The following GRID2 variants were observed in gnomAD, a reference collection of about 807,000 sequenced individuals.
GRID2 encodes glutamate receptor ionotropic, delta-2.
GRID2 carries 33 observed loss-of-function variants against 114.8 expected under a neutral mutation model. The observed-to-expected ratio is 0.29, with a 90% CI of 0.22 to 0.38. The LOEUF is 0.38. Ranked by LOEUF, GRID2 falls within the 10% of genes least tolerant of loss-of-function variation. GRID2 has a pLI of 1.00. For missense variants in GRID2, 1,184 were observed against 1,257.7 expected, an observed-to-expected ratio of 0.94 and a Z score of 0.89; for synonymous variants, 505 against 449.9, an observed-to-expected ratio of 1.12 and a Z score of -1.55.
intron 1 of GRID2, among the ~76,000 whole-genome samples, chr4:92,396,605 T>C (rs1730503131): frequency 6.6e-6 from 1 of 152,024 alleles, no homozygotes; most frequent in Non-Finnish European, 1.5e-5. Flanking sequence ...GAGATGAGGC[T>C]AGTGCATAAA....
chr4:92,350,570 TTTTA>T (rs1467651945), intron 1 of GRID2, among the ~76,000 whole-genome samples: 6 of 151,834 alleles, frequency 4.0e-5, no homozygotes, highest in African/African-American at 7.2e-5. Context: ...ATCTGTTACT[TTTTA>T]TTTGTTTGTT....
At chr4:92,972,626 G>C (rs967163193) in intron 2 of GRID2, among the ~76,000 whole-genome samples, 1 of 151,020 alleles carries the variant, frequency 6.6e-6, no homozygotes, top group Non-Finnish European at 1.5e-5. Flanking sequence ...TTAATTTTAA[G>C]TTCAGGGGTG....
intron 12 of GRID2, among the ~76,000 whole-genome samples, chr4:93,514,964 G>A (rs973817348): frequency 1.3e-5 from 2 of 152,096 alleles, no homozygotes; most frequent in African/African-American, 4.8e-5. Context: ...AGAAAGCATT[G>A]CATTACCACT....
intron 8 of GRID2, among the ~76,000 whole-genome samples, chr4:93,312,624 C>G (rs1756138426): frequency 6.6e-6 from 1 of 152,264 alleles, no homozygotes; most frequent in Admixed American, 6.5e-5. Context: ...ATTTCAAAAC[C>G]TGCTTCCATT....
chr4:93,033,548 A>G (rs903240433), intron 2 of GRID2, among the ~76,000 whole-genome samples: 2 of 152,114 alleles, frequency 1.3e-5, no homozygotes, highest in African/African-American at 4.8e-5. Flanking sequence ...GATTGCTCTC[A>G]TGACTGATCT....
At chr4:93,647,794 G>T (rs1722242922) in intron 14 of GRID2, among the ~76,000 whole-genome samples, 1 of 152,094 alleles carries the variant, frequency 6.6e-6, no homozygotes, top group African/African-American at 2.4e-5. Flanking sequence ...CTAATTTAAA[G>T]AATTGACAGA....
intron 13 of GRID2, among the ~76,000 whole-genome samples, chr4:93,524,781 A>ATG (rs869150662): frequency 0.11 from 9,408 of 87,526 alleles, 621 homozygotes; most frequent in Non-Finnish European, 0.17. Flanking sequence ...ATATGTATGT[A>ATG]TGTGTATATA....
chr4:92,522,672 A>C (rs940876326), intron 1 of GRID2, among the ~76,000 whole-genome samples: 1 of 151,926 alleles, frequency 6.6e-6, no homozygotes, highest in African/African-American at 2.4e-5. Flanking sequence ...GGATTTTCTC[A>C]TGGATTGGAT....
At chr4:93,268,495 T>C (rs1235205645) in intron 8 of GRID2, among the ~76,000 whole-genome samples, 1 of 152,110 alleles carries the variant, frequency 6.6e-6, no homozygotes, top group Admixed American at 6.6e-5. Flanking sequence ...TAACAAAAAC[T>C]ATAGGGTAAG....
intron 4 of GRID2, among the ~76,000 whole-genome samples, chr4:93,120,594 A>G (rs1733690246): frequency 6.6e-6 from 1 of 152,152 alleles, no homozygotes; most frequent in Admixed American, 6.6e-5. Flanking sequence ...TGGGCCTGTC[A>G]GGGAGTGAGG....
intron 2 of GRID2, among the ~76,000 whole-genome samples, chr4:92,691,566 T>C (rs1018163616): frequency 6.6e-6 from 1 of 152,246 alleles, no homozygotes; most frequent in African/African-American, 2.4e-5. Flanking sequence ...ACTGATACTC[T>C]CTTTGCCCTG....
At chr4:93,169,390 T>C (rs1330624865) in intron 4 of GRID2, among the ~76,000 whole-genome samples, 1 of 152,136 alleles carries the variant, frequency 6.6e-6, no homozygotes, top group African/African-American at 2.4e-5. Flanking sequence ...GTCTCGAAAA[T>C]ATGATATTCA....
intron 13 of GRID2, among the ~76,000 whole-genome samples, chr4:93,589,932 C>T (rs1422669286): frequency 1.1e-4 from 17 of 150,788 alleles, no homozygotes; most frequent in Non-Finnish European, 2.1e-4. Context: ...TGTTTGAGTT[C>T]ATTGTAGATT....
intron 9 of GRID2, among the ~76,000 whole-genome samples, chr4:93,403,085 G>A (rs2149341285): frequency 6.6e-6 from 1 of 152,294 alleles, no homozygotes; most frequent in South Asian, 2.1e-4. Flanking sequence ...TGGGAAGAGA[G>A]CTGACAGCAA....
chr4:92,806,166 GACACACACACACACAC>G (rs56070810), intron 2 of GRID2, among the ~76,000 whole-genome samples: 121 of 133,330 alleles, frequency 9.1e-4, no homozygotes, highest in African/African-American at 2.2e-3. Flanking sequence ...ATAGGCTATC[GACACACACACACACAC>G]ACACACACAC....
At chr4:93,264,103 A>C (rs980647144) in intron 8 of GRID2, among the ~76,000 whole-genome samples, 5 of 152,190 alleles carry the variant, frequency 3.3e-5, no homozygotes, top group Non-Finnish European at 7.4e-5. Context: ...TTCTATGTTG[A>C]ACTCAAGTTT....
chr4:93,554,147 A>G (rs1734067080), intron 13 of GRID2, among the ~76,000 whole-genome samples: 1 of 152,186 alleles, frequency 6.6e-6, no homozygotes, highest in South Asian at 2.1e-4. Flanking sequence ...GAAGAAAATT[A>G]CCACTATGAA....
At chr4:92,809,604 G>T (rs1377978974) in intron 2 of GRID2, among the ~76,000 whole-genome samples, 1 of 151,944 alleles carries the variant, frequency 6.6e-6, no homozygotes, top group Non-Finnish European at 1.5e-5. Flanking sequence ...CAATACTCCT[G>T]ATAGGTGACC....
At chr4:93,713,348 T>C (rs991947636) in intron 14 of GRID2, among the ~76,000 whole-genome samples, 8 of 152,090 alleles carry the variant, frequency 5.3e-5, no homozygotes, top group Admixed American at 5.2e-4. Context: ...TTTGTTGTTG[T>C]TGTTCATTTT....
Sources: gnomAD v4.1 joint callset for allele counts (sites outside exome capture counted in the v4.1 genomes callset) on GRCh38, gnomAD v4.1.1 for gene constraint, MANE v1.5 for transcripts, NCBI Gene and HGNC (gene_info 2026-07-23, HGNC 2026-07-21) for gene names.